The following PRMT3 variants were observed in gnomAD, a reference collection of about 807,000 sequenced individuals.
The protein encoded by PRMT3 is protein arginine methyltransferase 3, also known as protein arginine N-methyltransferase 3.
Under a neutral mutation model 71.9 loss-of-function variants are expected in PRMT3, and 62 were observed. That is an observed-to-expected ratio of 0.86 (90% CI 0.70 to 1.07). The LOEUF (loss-of-function observed/expected upper bound fraction) is 1.07, where lower values mean the gene tolerates loss of function less well. PRMT3 is among the 50% of genes least tolerant of loss of function. The pLI is 0.00. For synonymous variants in PRMT3, 213 were observed against 220.4 expected, an observed-to-expected ratio of 0.97 and a Z score of 0.30; for missense variants, 663 against 643.0, an observed-to-expected ratio of 1.03 and a Z score of -0.34.
At chr11:20,439,527 A>G (rs1000705179) in intron 10 of PRMT3, among the ~76,000 whole-genome samples, 3 of 152,210 alleles carry the variant, frequency 2.0e-5, no homozygotes, top group Admixed American at 6.5e-5. Flanking sequence ...GGCAAGTGCT[A>G]GTGGCTTCTA....
intron 7 of PRMT3, among the ~76,000 whole-genome samples, chr11:20,399,077 G>A (rs563487934): frequency 2.0e-5 from 3 of 152,304 alleles, no homozygotes; most frequent in African/African-American, 7.2e-5. Context: ...TCTACATAGA[G>A]TAAAATAAAT....
chr11:20,415,680 C>T (rs1384482180), intron 9 of PRMT3, among the ~76,000 whole-genome samples: 2 of 37,018 alleles, frequency 5.4e-5, no homozygotes, highest in African/African-American at 1.1e-4. Context: ...CATATTTCCA[C>T]CATGTTGACC....
At position 20,461,127 on chromosome 11, in the gene PRMT3, T is replaced by C. The variant is rs143942177; in HGVS notation, c.1073-853T>C. Among the ~76,000 whole-genome samples the C allele has an allele frequency of 9.5e-4, 145 of 152,358 alleles. No homozygotes were observed. In the Middle Eastern group the frequency reaches 0.02, roughly 21 times the overall value. On this transcript the variant is annotated intron_variant, in intron 11 of 15. Coordinates refer to ENST00000331079, the MANE Select transcript of PRMT3 (RefSeq NM_005788.4). ...ATGTAGTCTTTGGTCTCTACTTACCTTTCTAGCCTTGTGTCTTATTTCTCT... is the reference window on the plus strand; with the variant it reads ...ATGTAGTCTTTGGTCTCTACTTACCCTTCTAGCCTTGTGTCTTATTTCTCT...
At chr11:20,395,681 T>C in intron 5 of PRMT3, 122 bp from the exon 6 acceptor site, 1 of 943,026 alleles carries the variant, frequency 1.1e-6, no homozygotes. Context: ...TTAAAAGTAC[T>C]TTCACTAATC....
chr11:20,420,549 G>A (rs146332247), intron 9 of PRMT3, among the ~76,000 whole-genome samples: 3 of 152,256 alleles, frequency 2.0e-5, no homozygotes, highest in African/African-American at 7.2e-5. Flanking sequence ...CGGATTGCAG[G>A]CGCTATTGTG....
chr11:20,475,760 T>G (rs1435306050), intron 13 of PRMT3, among the ~76,000 whole-genome samples: 1 of 150,160 alleles, frequency 6.7e-6, no homozygotes, highest in Non-Finnish European at 1.5e-5. Context: ...CTCAAGGAAA[T>G]TCTCCTGCCT....
At chr11:20,447,507 T>C (rs1398665212) in intron 10 of PRMT3, among the ~76,000 whole-genome samples, 1 of 152,142 alleles carries the variant, frequency 6.6e-6, no homozygotes, top group Non-Finnish European at 1.5e-5. Flanking sequence ...TGATAATAAG[T>C]TAGCCTCTAA....
chr11:20,485,356 A>C (rs1307600554), intron 13 of PRMT3, among the ~76,000 whole-genome samples: 1 of 152,216 alleles, frequency 6.6e-6, no homozygotes, highest in Non-Finnish European at 1.5e-5. Context: ...AACAACATGA[A>C]TCAAGAACCA....
At chr11:20,462,207 C>T (rs1850402275) in intron 12 of PRMT3, 40 bp downstream of exon 12, 2 of 1,441,574 alleles carry the variant, frequency 1.4e-6, no homozygotes, top group Non-Finnish European at 9.5e-7. Flanking sequence ...AATGGTATTG[C>T]TATTTTTCTT....
intron 9 of PRMT3, among the ~76,000 whole-genome samples, chr11:20,411,425 C>A (rs1849189958): frequency 1.3e-5 from 2 of 151,976 alleles, no homozygotes; most frequent in Non-Finnish European, 2.9e-5. Flanking sequence ...TTATGCTTAC[C>A]AATGTTTATT....
intron 5 of PRMT3, chr11:20,393,902 T>C (rs1268438063): frequency 1.3e-5 from 2 of 152,214 alleles, no homozygotes; most frequent in Non-Finnish European, 2.9e-5. Context: ...TTATATAGTT[T>C]GGAAATATTT....
At chr11:20,442,091 C>T (rs1234243388) in intron 10 of PRMT3, among the ~76,000 whole-genome samples, 3 of 152,208 alleles carry the variant, frequency 2.0e-5, no homozygotes, top group African/African-American at 7.2e-5. Context: ...CTGTGCCCGG[C>T]TAGTTTCAGA....
At chr11:20,417,081 T>C (rs1849322156) in intron 9 of PRMT3, among the ~76,000 whole-genome samples, 1 of 152,214 alleles carries the variant, frequency 6.6e-6, no homozygotes, top group South Asian at 2.1e-4. Flanking sequence ...CCACCTCCAC[T>C]GTCATGCTCG....
intron 11 of PRMT3, among the ~76,000 whole-genome samples, chr11:20,456,748 T>C (rs542421636): frequency 1.2e-4 from 19 of 152,334 alleles, no homozygotes; most frequent in South Asian, 6.2e-4. Flanking sequence ...GCTAGAATTA[T>C]GAAGGGATTG....
At chr11:20,459,252 C>T (rs982652275) in intron 11 of PRMT3, among the ~76,000 whole-genome samples, 1 of 152,102 alleles carries the variant, frequency 6.6e-6, no homozygotes, top group Non-Finnish European at 1.5e-5. Context: ...AAAAGATATT[C>T]TAAAATAGCA....
At chr11:20,427,168 A>C (rs1849566453) in intron 10 of PRMT3, among the ~76,000 whole-genome samples, 1 of 152,172 alleles carries the variant, frequency 6.6e-6, no homozygotes, top group African/African-American at 2.4e-5. Context: ...TAGATACCTA[A>C]GTGTTTGCCT....
Position 20,481,531 on chromosome 11 carries a change from T to G in PRMT3, c.1348-12388T>G, listed in dbSNP as rs569232266. ...AAGAAATGGTGATTTGTACCATTGC[T>G]TAAAGAACGGGTTGTATTGAACTTA... On this transcript the variant is annotated intron_variant, in intron 13 of 15. Coordinates refer to ENST00000331079, the MANE Select transcript of PRMT3 (RefSeq NM_005788.4). Among the ~76,000 whole-genome samples, 6 of 152,252 alleles carry G rather than the reference T, an allele frequency of 3.9e-5. No individual in the cohort carries two copies. In the East Asian group the frequency reaches 1.2e-3, roughly 29 times the overall value.
At chr11:20,464,369 T>C in intron 12 of PRMT3, 91 bp from the exon 13 acceptor site, 2 of 1,442,462 alleles carry the variant, frequency 1.4e-6, no homozygotes, top group Non-Finnish European at 1.8e-6. Context: ...AAAGAAGTAA[T>C]GTTTGTCTGG....
chr11:20,396,881 T>C (rs1336420628), intron 6 of PRMT3, among the ~76,000 whole-genome samples: 1 of 152,164 alleles, frequency 6.6e-6, no homozygotes, highest in African/African-American at 2.4e-5. Flanking sequence ...GGCCTTCCTG[T>C]TGGATTTGTA....
Sources: gnomAD v4.1 joint callset for allele counts (sites outside exome capture counted in the v4.1 genomes callset) on GRCh38, gnomAD v4.1.1 for gene constraint, MANE v1.5 for transcripts, NCBI Gene and HGNC (gene_info 2026-07-23, HGNC 2026-07-21) for gene names.